Variants in MTMR9 observed in about 807,000 individuals in gnomAD.
The protein encoded by MTMR9 is myotubularin-related protein 9.
Under a neutral mutation model 69.5 loss-of-function variants are expected in MTMR9, and 39 were observed. The observed-to-expected ratio is 0.56, with a 90% CI of 0.43 to 0.73. The LOEUF (loss-of-function observed/expected upper bound fraction) is 0.73, where lower values mean the gene tolerates loss of function less well. MTMR9 is among the 30% of genes least tolerant of loss of function. MTMR9 has a pLI of 0.00. For missense variants in MTMR9, 900 were observed against 671.2 expected, an observed-to-expected ratio of 1.34 and a Z score of -3.77; for synonymous variants, 354 against 240.8, an observed-to-expected ratio of 1.47 and a Z score of -4.35.
chr8:11,332,294 T>A (rs1333396804), downstream of MTMR9: 1 of 1,140,564 alleles, frequency 8.8e-7, no homozygotes, highest in African/African-American at 1.6e-5. Context: ...ATAATAAAAA[T>A]ATCACAAAGC....
At chr8:11,286,786 C>G (rs1799177980) in intron 1 of MTMR9, among the ~76,000 whole-genome samples, 1 of 151,886 alleles carries the variant, frequency 6.6e-6, no homozygotes. Context: ...TTATTTCTTG[C>G]CATTTCTTTT....
intron 2 of MTMR9, among the ~76,000 whole-genome samples, chr8:11,296,235 T>C (rs899641605): frequency 1.3e-5 from 2 of 152,170 alleles, no homozygotes; most frequent in Non-Finnish European, 2.9e-5. Context: ...TTTCTACGTT[T>C]TATAAAACAA....
chr8:11,302,937 T>G (rs1799800956), intron 3 of MTMR9, among the ~76,000 whole-genome samples: 1 of 151,906 alleles, frequency 6.6e-6, no homozygotes, highest in African/African-American at 2.4e-5. Flanking sequence ...ATTGAGAGAA[T>G]TATAAAAATT....
At chr8:11,292,118 C>G (rs926304665) in intron 1 of MTMR9, among the ~76,000 whole-genome samples, 1 of 152,078 alleles carries the variant, frequency 6.6e-6, no homozygotes, top group African/African-American at 2.4e-5. Flanking sequence ...TATCATAAAT[C>G]ATGCAGTACT....
chr8:11,305,867 TA>T (rs1481343180), intron 4 of MTMR9, among the ~76,000 whole-genome samples: 1 of 152,218 alleles, frequency 6.6e-6, no homozygotes, highest in Admixed American at 6.5e-5. Context: ...CATAGGCCAT[TA>T]TTGTCTTTAT....
rs1799881878 is a variant in MTMR9, at chr8:11,304,891, C to G, written c.468C>G (p.Pro156=). ...TCAATAAGGAATTTGCTGTCTGTCC[C>G]TCTTACCCACCAATTGTCACAGTGC... ...SYVNKEFAVC[P]SYPPIVTVPK... is the part of the protein sequence containing the mutation. The change falls in exon 4 of 10, where the codon CCC becomes CCG. Residue 156 remains proline, a synonymous_variant. Coordinates refer to ENST00000221086, the MANE Select transcript of MTMR9 (RefSeq NM_015458.4). 2.5e-6 allele frequency: 4 copies of G among 1,613,992 alleles called. No individual in the cohort carries two copies. Among genetic ancestry groups the G allele is most frequent in the Admixed American group, 1.7e-5 (1 of 59,994 alleles).
At chr8:11,303,587 G>A (rs1799829752) in intron 3 of MTMR9, among the ~76,000 whole-genome samples, 1 of 152,066 alleles carries the variant, frequency 6.6e-6, no homozygotes, top group Admixed American at 6.6e-5. Context: ...AGGCTGGAGT[G>A]CAGTGGCGCT....
intron 9 of MTMR9, among the ~76,000 whole-genome samples, chr8:11,321,990 T>G (rs1800714799): frequency 6.6e-6 from 1 of 152,170 alleles, no homozygotes; most frequent in Non-Finnish European, 1.5e-5. Flanking sequence ...GTGATACAGT[T>G]AACATAGGGC....
At chr8:11,314,549 T>G (rs1800332896) in intron 6 of MTMR9, among the ~76,000 whole-genome samples, 2 of 152,216 alleles carry the variant, frequency 1.3e-5, no homozygotes, top group African/African-American at 4.8e-5. Flanking sequence ...GAGAAGAGGC[T>G]TTAACCAACG....
rs1585120601 is a variant in MTMR9 at position 11,305,084 on chromosome 8, C to T, written c.591+70C>T. ...TGGGGATCTTTTCGTAGAAATGTTC[C>T]CTTTTGCTCTCTGTCTGTTCACTGA... On this transcript the variant is annotated intron_variant, in intron 4 of 9. Coordinates refer to ENST00000221086, the MANE Select transcript of MTMR9 (RefSeq NM_015458.4). 47 of 1,453,906 alleles carry T rather than the reference C, an allele frequency of 3.2e-5. No homozygotes were observed. The East Asian group carries it at 1.1e-3, about 34-fold the overall frequency. The allele number at this position is 1,453,906 out of a possible 1,614,324, so 90.1% of individuals were successfully genotyped here.
chr8:11,289,618 C>G (rs1227692598), intron 1 of MTMR9, among the ~76,000 whole-genome samples: 2 of 152,054 alleles, frequency 1.3e-5, no homozygotes, highest in African/African-American at 4.8e-5. Flanking sequence ...ACTCCCGTTT[C>G]CTGCCTCATC....
At chr8:11,303,733 C>G (rs1053155854) in intron 3 of MTMR9, among the ~76,000 whole-genome samples, 4 of 152,036 alleles carry the variant, frequency 2.6e-5, no homozygotes, top group African/African-American at 9.7e-5. Flanking sequence ...GGGGTTTGGC[C>G]ATGTTGCCCT....
intron 2 of MTMR9, chr8:11,298,811 T>A: frequency 2.0e-6 from 2 of 984,124 alleles, no homozygotes; most frequent in Non-Finnish European, 2.4e-6. Flanking sequence ...ACTTTCCTTC[T>A]CTCTGTTCCT....
At chr8:11,307,716 C>T (rs551555544) in intron 5 of MTMR9, among the ~76,000 whole-genome samples, 2 of 152,246 alleles carry the variant, frequency 1.3e-5, no homozygotes, top group South Asian at 2.1e-4. Flanking sequence ...GTTGTTAAAT[C>T]TTGTCTTTTT....
chr8:11,285,502 A>G (rs1392807263), intron 1 of MTMR9, among the ~76,000 whole-genome samples: 1 of 152,238 alleles, frequency 6.6e-6, no homozygotes, highest in East Asian at 1.9e-4. Flanking sequence ...GAGTGTCTAC[A>G]TGCTACAGAA....
Position 11,295,292 on chromosome 8 carries a change from G to T in MTMR9, c.281G>T (p.Ser94Ile), listed in dbSNP as rs1412580140. 1 of 1,580,734 alleles carries T rather than the reference G, an allele frequency of 6.3e-7. No individual in the cohort carries two copies. The highest frequency in any genetic ancestry group is 1.1e-5 in the South Asian group (1 of 89,716). Residue 94 changes from serine to isoleucine, a missense_variant, in exon 2 of 10, where the codon AGT (serine) becomes ATT (isoleucine). By Grantham distance (142) the Ser-to-Ile change is moderately radical. Coordinates refer to ENST00000221086, the MANE Select transcript of MTMR9 (RefSeq NM_015458.4). ...ATGGAGGAATGCTTGAATATAGCCA[G>T]TTCCATTGAGGTAAGTATTTTGGAA... ...PGMEECLNIA[S>I]SIEALSTLDS...
At chr8:11,287,963 ATG>A (rs1162787560) in intron 1 of MTMR9, among the ~76,000 whole-genome samples, 2 of 127,796 alleles carry the variant, frequency 1.6e-5, no homozygotes, top group Admixed American at 9.1e-5. Context: ...ATTATATACT[ATG>A]TATTATATAT....
rs1332792599 is a variant in MTMR9, at chr8:11,327,833, TAC to T, written c.*5047_*5048del. The stretch of plus-strand genomic sequence containing the variant: ...CTGTGTACGCACACACACATATACA[TAC>T]AGTCTTAGGGAAAAAAAAAAGCAGA... On this transcript the variant is annotated 3_prime_UTR_variant, in exon 10 of 10. Transcript: ENST00000221086. 6.6e-6 allele frequency: 1 copy of T among 152,498 alleles called. No homozygotes were observed. Among genetic ancestry groups the T allele is most frequent in the East Asian group, 1.9e-4 (1 of 5,194 alleles). The allele number at this position is 152,498 out of a possible 1,614,324, so 9.4% of individuals were successfully genotyped here. A position where few individuals can be genotyped will look rare whatever the true frequency, so the allele number is the denominator to read the frequency against.
At chr8:11,337,789 G>A in the MTMR9 span, among the ~76,000 whole-genome samples, 4 of 152,134 alleles carry the variant, frequency 2.6e-5, no homozygotes, top group East Asian at 1.9e-4. Context: ...CATGTGCTCC[G>A]GTAAAGGTAG....
Sources: gnomAD v4.1 joint callset for allele counts (sites outside exome capture counted in the v4.1 genomes callset) on GRCh38, gnomAD v4.1.1 for gene constraint, MANE v1.5 for transcripts, NCBI Gene and HGNC (gene_info 2026-07-23, HGNC 2026-07-21) for gene names.